Variants in HBS1L observed in about 807,000 individuals in gnomAD.
The protein encoded by HBS1L is HBS1 like translational GTPase.
In HBS1L, 55 loss-of-function variants were observed where a neutral mutation model predicts 88.9. The ratio of observed to expected loss-of-function variants is 0.62; its 90% CI spans 0.50 to 0.77. The LOEUF (loss-of-function observed/expected upper bound fraction) is 0.77, where lower values mean the gene tolerates loss of function less well. HBS1L is among the 30% of genes least tolerant of loss of function. The pLI is 0.00. For missense variants in HBS1L, 741 were observed against 829.3 expected (o/e 0.89, Z 1.31); for synonymous variants, 267 against 288.5 (o/e 0.93, Z 0.76).
chr6:135,037,232 T>A, intron 4 of HBS1L: 3 of 1,551,954 alleles, frequency 1.9e-6, no homozygotes, highest in Non-Finnish European at 2.6e-6. Flanking sequence ...GATCCCAAAC[T>A]TAGATCTGTG....
At chr6:135,029,121 A>G (rs1350158260) in intron 4 of HBS1L, among the ~76,000 whole-genome samples, 1 of 152,086 alleles carries the variant, frequency 6.6e-6, no homozygotes, top group Non-Finnish European at 1.5e-5. Flanking sequence ...TACAAATGTA[A>G]AATAATGAAT....
chr6:134,993,401 T>C (rs974351591), intron 8 of HBS1L, among the ~76,000 whole-genome samples: 5 of 152,146 alleles, frequency 3.3e-5, no homozygotes, highest in African/African-American at 9.7e-5. Flanking sequence ...TAAAAAGATA[T>C]AGAACTTGAA....
At chr6:134,970,330 A>G (rs1439426507) in intron 15 of HBS1L, among the ~76,000 whole-genome samples, 1 of 152,080 alleles carries the variant, frequency 6.6e-6, no homozygotes, top group African/African-American at 2.4e-5. Flanking sequence ...ATGGGGTTTC[A>G]CCACGTTGGC....
chr6:135,024,439 CAAAAAAAAAAAAAA>C (rs60663059), intron 4 of HBS1L, among the ~76,000 whole-genome samples: 1 of 66,498 alleles, frequency 1.5e-5, no homozygotes, highest in Non-Finnish European at 3.2e-5. Context: ...GACTTCGTCT[CAAAAAAAAAAAAAA>C]AAAAAAAAAC....
chr6:134,995,246 T>C (rs1583087585), intron 7 of HBS1L, among the ~76,000 whole-genome samples: 1 of 152,208 alleles, frequency 6.6e-6, no homozygotes, highest in East Asian at 1.9e-4. Flanking sequence ...TAATTTCTGT[T>C]CTTCAGTATC....
Position 134,973,021 on chromosome 6 carries a change from G to A in HBS1L, c.1798-3683C>T, listed in dbSNP as rs187579876. ...AATGTAAAATGGTAGAGCCCCTGTGGAAAATGGTTTAGCAGTTCCTCAAAA... is the reference window on the plus strand; with the variant it reads ...AATGTAAAATGGTAGAGCCCCTGTGAAAAATGGTTTAGCAGTTCCTCAAAA... On this transcript the variant is annotated intron_variant, in intron 15 of 17. Transcript: ENST00000367837. Among the ~76,000 whole-genome samples, 483 of 152,316 alleles carry A rather than the reference G, an allele frequency of 3.2e-3. 1 individual carries two copies. Among genetic ancestry groups the A allele is most frequent in the Middle Eastern group, 6.8e-3 (2 of 294 alleles).
At chr6:135,025,616 T>A (rs1313628976) in intron 4 of HBS1L, among the ~76,000 whole-genome samples, 16 of 152,136 alleles carry the variant, frequency 1.1e-4, no homozygotes, top group Non-Finnish European at 2.2e-4. Flanking sequence ...CCATTATTCT[T>A]TATAAAATGC....
intron 5 of HBS1L, among the ~76,000 whole-genome samples, chr6:135,001,944 GGAAAAAAAA>G (rs1775472690): frequency 6.7e-6 from 1 of 149,094 alleles, no homozygotes; most frequent in Non-Finnish European, 1.5e-5. Context: ...TGGGAAAAGA[GGAAAAAAAA>G]GGAAAAAAAG....
chr6:134,978,808 G>A (rs201762117), intron 14 of HBS1L, 21 bp from the exon 15 acceptor site: 9 of 1,466,540 alleles, frequency 6.1e-6, no homozygotes, highest in Non-Finnish European at 8.4e-6. Flanking sequence ...AACAAAAAAA[G>A]AGGAAAGGTA....
At chr6:135,036,608 G>C in intron 4 of HBS1L, 1 of 1,540,758 alleles carries the variant, frequency 6.5e-7, no homozygotes, top group African/African-American at 1.4e-5. Flanking sequence ...ATGTCATCAG[G>C]TGATGCTGAT....
chr6:135,001,509 C>T (rs1775458854), intron 5 of HBS1L, among the ~76,000 whole-genome samples: 1 of 151,880 alleles, frequency 6.6e-6, no homozygotes, highest in Non-Finnish European at 1.5e-5. Context: ...ATGTAAAAAT[C>T]CCATAATAGA....
chr6:135,005,086 A>T (rs1050367385), intron 4 of HBS1L, among the ~76,000 whole-genome samples: 5 of 152,360 alleles, frequency 3.3e-5, no homozygotes, highest in Admixed American at 6.5e-5. Flanking sequence ...CTGAATGAAG[A>T]CTGAAAACAT....
chr6:134,999,658 G>A (rs1466342134), intron 5 of HBS1L, among the ~76,000 whole-genome samples: 1 of 151,950 alleles, frequency 6.6e-6, no homozygotes, highest in Non-Finnish European at 1.5e-5. Context: ...ACATTGGCCA[G>A]GCTGGTATTG....
chr6:135,052,395 C>T (rs763303090), intron 1 of HBS1L, among the ~76,000 whole-genome samples: 4 of 151,784 alleles, frequency 2.6e-5, no homozygotes, highest in Non-Finnish European at 2.9e-5. Context: ...GCAACACAGC[C>T]GGATGCTGTC....
intron 4 of HBS1L, among the ~76,000 whole-genome samples, chr6:135,020,311 A>G (rs1776037195): frequency 6.6e-6 from 1 of 151,900 alleles, no homozygotes; most frequent in African/African-American, 2.4e-5. Flanking sequence ...TTTCCTGGGC[A>G]TTTTCCATGA....
In HBS1L at chr6:134,987,338, G is replaced by A. The variant is rs1775006257; in HGVS notation, c.1230+307C>T. ...TGAAATGTTATAAGTTTCTGGGTGG[G>A]AAGGAGAATTGGTAATATAGGTTTA... On this transcript the variant is annotated intron_variant, in intron 9 of 17. Coordinates refer to ENST00000367837, the MANE Select transcript of HBS1L (RefSeq NM_006620.4). Among the ~76,000 whole-genome samples, 7 of 151,942 alleles carry A rather than the reference G, an allele frequency of 4.6e-5. No homozygotes were observed. In the South Asian group the frequency reaches 1.5e-3, roughly 32 times the overall value.
At chr6:135,040,277 A>C (rs890194942) in intron 3 of HBS1L, among the ~76,000 whole-genome samples, 5 of 152,096 alleles carry the variant, frequency 3.3e-5, no homozygotes, top group African/African-American at 9.7e-5. Context: ...AAAAACGGCA[A>C]GATAACATAA....
chr6:135,048,872 G>C (rs1391824464), intron 2 of HBS1L, among the ~76,000 whole-genome samples: 1 of 152,174 alleles, frequency 6.6e-6, no homozygotes, highest in Non-Finnish European at 1.5e-5. Context: ...TGTACATAAA[G>C]AGCTAGATGC....
At chr6:135,036,498 C>G in intron 4 of HBS1L, 3 of 1,401,172 alleles carry the variant, frequency 2.1e-6, no homozygotes, top group Non-Finnish European at 2.8e-6. Flanking sequence ...AAGTGATCCT[C>G]TGAAGACTTT....
Sources: allele counts gnomAD v4.1 joint callset (sites outside exome capture counted in the v4.1 genomes callset), GRCh38; gene constraint gnomAD v4.1.1; transcripts MANE v1.5; gene names NCBI Gene and HGNC (gene_info 2026-07-23, HGNC 2026-07-21).